Variants in ZNF329 observed in about 807,000 individuals in gnomAD.
ZNF329 encodes the protein zinc finger protein 329.
ZNF329 carries 15 observed loss-of-function variants against 26.6 expected under a neutral mutation model. The ratio of observed to expected loss-of-function variants is 0.56; its 90% confidence interval spans 0.38 to 0.87. The LOEUF (loss-of-function observed/expected upper bound fraction) is 0.87. Ranked by LOEUF, ZNF329 falls within the 40% of genes least tolerant of loss-of-function variation. The probability of loss-of-function intolerance (pLI) is 0.00; values close to 1 mark genes in which losing one functional copy is unlikely to be tolerated. For synonymous variants in ZNF329, 239 were observed against 233.5 expected (o/e 1.02, Z -0.21); for missense variants, 651 against 651.9 (o/e 1.00, Z 0.02).
At chr19:58,131,094 A>C (rs2146067137) in intron 3 of ZNF329, among the ~76,000 whole-genome samples, 1 of 150,396 alleles carries the variant, frequency 6.6e-6, no homozygotes, top group Admixed American at 6.6e-5. Context: ...AGGCAATTTA[A>C]ATATATATAC....
chr19:58,128,709 C>G lies in ZNF329; in HGVS notation c.795G>C (p.Gly265=). ...GEKPYECSKC[G]KAFSDGSALT... ...GAGCTGAGCCATCACTGAAAGCTTT[C>G]CCACATTTACTGCATTCATAGGGCT... The change falls in exon 4 of 4, where the codon GGG becomes GGC. Residue 265 remains glycine (G), a synonymous_variant. Coordinates refer to ENST00000598312, the MANE Select transcript of ZNF329 (RefSeq NM_024620.4). 1 of 1,606,858 alleles carries G rather than the reference C, an allele frequency of 6.2e-7. No individual in the cohort carries two copies. The highest frequency in any genetic ancestry group is 1.7e-5 in the Admixed American group (1 of 58,968).
chr19:58,133,940 C>T (rs1367882149), intron 3 of ZNF329, among the ~76,000 whole-genome samples: 3 of 151,974 alleles, frequency 2.0e-5, no homozygotes, highest in Non-Finnish European at 4.4e-5. Flanking sequence ...ATATACTAGA[C>T]AACAGTGGCC....
At chr19:58,153,634 G>C (rs157375), upstream of ZNF329, among the ~76,000 whole-genome samples, 25,495 of 152,098 alleles carry the variant, frequency 0.17, 2,475 homozygotes, top group East Asian at 0.3. Context: ...CCCTGTTCAG[G>C]AATTATCTGT....
chr19:58,147,594 T>G (rs1424484874), intron 1 of ZNF329, among the ~76,000 whole-genome samples: 20 of 85,114 alleles, frequency 2.3e-4, no homozygotes, highest in South Asian at 4.2e-4. Context: ...GGGAGGGAGG[T>G]GGGGGGGTCA....
chr19:58,148,125 G>C (rs1017724545), intron 1 of ZNF329, among the ~76,000 whole-genome samples: 2 of 151,856 alleles, frequency 1.3e-5, no homozygotes, highest in Non-Finnish European at 1.5e-5. Flanking sequence ...CATGTGCTGT[G>C]TCCACTCAGG....
At chr19:58,145,809 C>T (rs2075295176) in intron 1 of ZNF329, among the ~76,000 whole-genome samples, 1 of 151,984 alleles carries the variant, frequency 6.6e-6, no homozygotes, top group Non-Finnish European at 1.5e-5. Flanking sequence ...ACTTTAACCA[C>T]ATGACAAAAA....
At chr19:58,144,850 CTTTTTTTTTT>C (rs71188086) in intron 1 of ZNF329, among the ~76,000 whole-genome samples, 1 of 120,324 alleles carries the variant, frequency 8.3e-6, no homozygotes, top group African/African-American at 3.0e-5. Context: ...AATTTTTTTT[CTTTTTTTTTT>C]TTTTTTTGAT....
Position 58,128,580 on chromosome 19 carries a change from A to C in ZNF329, c.924T>G (p.Thr308=), listed in dbSNP as rs1172710579. The change falls in exon 4 of 4, where the codon ACT becomes ACG. Residue 308 remains threonine, a synonymous_variant. Coordinates refer to ENST00000598312, the MANE Select transcript of ZNF329 (RefSeq NM_024620.4). ...RNSSLILHQR[T]HTGEKPYRCN... ...ATCTATATGGTTTTTCCCCTGTATGAGTTCTTTGGTGCAAAATTAAGGATG... is the reference window on the plus strand; with the variant it reads ...ATCTATATGGTTTTTCCCCTGTATGCGTTCTTTGGTGCAAAATTAAGGATG... 1 of 1,613,252 alleles carries C rather than the reference A, an allele frequency of 6.2e-7. No individual in the cohort carries two copies. Among genetic ancestry groups the C allele is most frequent in the African/African-American group, 1.3e-5 (1 of 74,822 alleles).
At chr19:58,143,989 A>G (rs147474553) in intron 1 of ZNF329, among the ~76,000 whole-genome samples, 4,975 of 151,508 alleles carry the variant, frequency 0.033, 265 homozygotes, top group African/African-American at 0.11. Context: ...GCTGAGGGAG[A>G]AGAATTGCTG....
At chr19:58,132,117 C>CT (rs142303698) in intron 3 of ZNF329, 20,023 of 151,854 alleles carry the variant, frequency 0.13, 1,426 homozygotes, top group Admixed American at 0.18. Flanking sequence ...CAAACTGCGA[C>CT]TTTAAGAACA....
At position 58,126,819 on chromosome 19, in the gene ZNF329, A is replaced by G. The variant is rs765349185; in HGVS notation, c.*1059T>C. On this transcript the variant is annotated 3_prime_UTR_variant, in exon 4 of 4. Transcript: ENST00000598312. ...CAGGCACACACTACTATGCCCAGAT[A>G]ATTTCCTGTATTTTTGGTAGAGATG... 2.6e-5 allele frequency: 4 copies of G among 152,118 alleles called. No homozygotes were observed. The highest frequency in any genetic ancestry group is 5.9e-5 in the Non-Finnish European group (4 of 68,036). 9.4% of individuals were successfully genotyped at this position (152,118 alleles called of 1,614,324 possible).
intron 1 of ZNF329, among the ~76,000 whole-genome samples, chr19:58,144,394 A>ATTTT (rs932312099): frequency 8.8e-6 from 1 of 113,498 alleles, no homozygotes; most frequent in African/African-American, 3.5e-5. Context: ...ATATATATAT[A>ATTTT]TATTTTTTTT....
chr19:58,153,292 T>C (rs12971699), upstream of ZNF329, among the ~76,000 whole-genome samples: 2 of 152,242 alleles, frequency 1.3e-5, no homozygotes, highest in East Asian at 3.9e-4. Context: ...GTATTTTTAG[T>C]AGAGACAGGG....
intron 3 of ZNF329, among the ~76,000 whole-genome samples, chr19:58,130,666 T>C (rs1306720359): frequency 4.1e-5 from 4 of 98,218 alleles, no homozygotes; most frequent in African/African-American, 1.3e-4. Flanking sequence ...AGAGCAAGAC[T>C]CCGTCTCAAA....
At chr19:58,135,334 G>A (rs1168535388) in intron 3 of ZNF329, among the ~76,000 whole-genome samples, 2 of 151,950 alleles carry the variant, frequency 1.3e-5, no homozygotes, top group East Asian at 1.9e-4. Context: ...GCAGTGGCAC[G>A]ATCTCGGCTC....
In ZNF329 at chr19:58,127,628, A is replaced by AGT; in HGVS notation, c.*248_*249dup. 1 of 401,778 alleles carries AGT rather than the reference A, an allele frequency of 2.5e-6. No individual in the cohort carries two copies. Among genetic ancestry groups the AGT allele is most frequent in the East Asian group, 3.7e-5 (1 of 27,382 alleles). The allele number at this position is 401,778 out of a possible 1,614,324, so 24.9% of individuals were successfully genotyped here. The stretch of plus-strand genomic sequence containing the variant: ...CCCCCATGTTTGCACATTTCATTCC[A>AGT]GTGTGTGTGTTGTCATGTCTGGTAC... On this transcript the variant is annotated 3_prime_UTR_variant, in exon 4 of 4. Transcript: ENST00000598312.
chr19:58,149,554 A>G (rs1220377940), intron 1 of ZNF329, among the ~76,000 whole-genome samples: 1 of 152,156 alleles, frequency 6.6e-6, no homozygotes, highest in Non-Finnish European at 1.5e-5. Flanking sequence ...TGCAACTTCT[A>G]TGCAAATGCG....
intron 1 of ZNF329, among the ~76,000 whole-genome samples, chr19:58,144,944 G>A (rs902555416): frequency 6.6e-6 from 1 of 150,528 alleles, no homozygotes; most frequent in Non-Finnish European, 1.5e-5. Context: ...CTGCCTCCCG[G>A]GTTCACGCCA....
At chr19:58,151,596 C>G (rs955543883), upstream of ZNF329, among the ~76,000 whole-genome samples, 9 of 124,368 alleles carry the variant, frequency 7.2e-5, no homozygotes, top group African/African-American at 2.2e-4. Context: ...AGGGAGACTT[C>G]GTCTCAAAAA....
Sources: gnomAD v4.1 joint callset for allele counts (sites outside exome capture counted in the v4.1 genomes callset) on GRCh38, gnomAD v4.1.1 for gene constraint, MANE v1.5 for transcripts, NCBI Gene and HGNC (gene_info 2026-07-23, HGNC 2026-07-21) for gene names.